Variants in USP4 observed in about 807,000 individuals in gnomAD.
USP4 encodes the protein ubiquitin specific peptidase 4.
USP4 carries 72 observed loss-of-function variants against 118.2 expected under a neutral mutation model. That is an observed-to-expected ratio of 0.61 (90% CI 0.50 to 0.74). The LOEUF (loss-of-function observed/expected upper bound fraction) is 0.74, where lower values mean the gene tolerates loss of function less well. Ranked by LOEUF, USP4 falls within the 30% of genes least tolerant of loss-of-function variation. The probability of loss-of-function intolerance (pLI) is 0.00; values close to 1 mark genes in which losing one functional copy is unlikely to be tolerated. For missense variants in USP4, 1,037 were observed against 1,185.7 expected (o/e 0.87, Z 1.84); for synonymous variants, 415 against 440.4 (o/e 0.94, Z 0.72).
rs1466335019 is a variant in USP4, at chr3:49,299,850, T to C, written c.1512+617A>G. Among the ~76,000 whole-genome samples the C allele has an allele frequency of 3.8e-4, 58 of 152,128 alleles. 2 individuals are homozygous for C. Among genetic ancestry groups the C allele is most frequent in the Admixed American group, 3.8e-3 (58 of 15,276 alleles). On this transcript the variant is annotated intron_variant, in intron 11 of 21. Transcript: ENST00000265560. ...CTGTCCTAGGTTATGTGAGGGTATA[T>C]CTGAGTACGAAAAGAACCGTGCTTC...
chr3:49,284,666 A>G, intron 17 of USP4, 82 bp from the exon 18 acceptor site: 1 of 1,336,876 alleles, frequency 7.5e-7, no homozygotes, highest in Non-Finnish European at 1.1e-6. Context: ...AGGCTCTCCC[A>G]CCTGGAATGT....
At chr3:49,323,936 C>T (rs1001221466) in intron 6 of USP4, among the ~76,000 whole-genome samples, 15 of 152,258 alleles carry the variant, frequency 9.9e-5, no homozygotes, top group Non-Finnish European at 1.9e-4. Context: ...AGCAAGCTCC[C>T]AGGGCAACAA....
intron 15 of USP4, among the ~76,000 whole-genome samples, chr3:49,289,939 G>A (rs2047135393): frequency 6.6e-6 from 1 of 151,848 alleles, no homozygotes; most frequent in South Asian, 2.1e-4. Flanking sequence ...AACCTTGCTT[G>A]TCTCCACAAA....
At position 49,278,815 on chromosome 3, in the gene USP4, A is replaced by C. The variant is rs2046987887; in HGVS notation, c.2732T>G (p.Val911Gly). The change falls in exon 21 of 22, where the codon GTG becomes GGG. Residue 911 changes from valine (V) to glycine (G), a missense_variant and splice_region_variant. Physicochemically the swap from Val to Gly is moderately radical, Grantham distance 109. Around this residue, in one of 3 missense-constraint regions of USP4, gnomAD observed 522 missense variants for 592.6 expected, o/e 0.88. Coordinates refer to ENST00000265560, the MANE Select transcript of USP4 (RefSeq NM_003363.4). ...NVSLASEDQI[V>G]TKAAYVLFYQ... ...AACCACATATCATGGCCTACTCACC[A>C]CTATCTGATCCTCAGAGGCCAGGGA... The C allele has an allele frequency of 6.2e-7, 1 of 1,604,274 alleles. No homozygotes were observed. Among genetic ancestry groups the C allele is most frequent in the Non-Finnish European group, 8.5e-7 (1 of 1,174,008 alleles).
chr3:49,309,299 C>A (rs1420362145), intron 8 of USP4, among the ~76,000 whole-genome samples: 1 of 152,146 alleles, frequency 6.6e-6, no homozygotes, highest in South Asian at 2.1e-4. Context: ...GAAATGAGGG[C>A]AGTCTTGGGA....
At chr3:49,310,519 G>A (rs1295737057) in intron 8 of USP4, 101 bp downstream of exon 8, 5 of 971,478 alleles carry the variant, frequency 5.1e-6, no homozygotes, top group African/African-American at 3.2e-5. Context: ...ACAAGGGGTA[G>A]GCAGGGACTC....
At chr3:49,298,726 G>T in intron 11 of USP4, 91 bp from the exon 12 acceptor site, 2 of 1,135,676 alleles carry the variant, frequency 1.8e-6, no homozygotes, top group Non-Finnish European at 2.7e-6. Context: ...GGGCAGAGGA[G>T]CCCTTCTAGA....
At chr3:49,337,663 C>G (rs534854390) in intron 1 of USP4, among the ~76,000 whole-genome samples, 2 of 152,188 alleles carry the variant, frequency 1.3e-5, no homozygotes, top group South Asian at 2.1e-4. Flanking sequence ...TCTTGAACTC[C>G]TGGCCTCAAG....
At chr3:49,323,576 C>T (rs945679363) in intron 6 of USP4, among the ~76,000 whole-genome samples, 5 of 152,168 alleles carry the variant, frequency 3.3e-5, no homozygotes, top group African/African-American at 1.2e-4. Context: ...TTTTATTTAT[C>T]TTGTCAACAA....
chr3:49,327,150 C>T (rs532593430), intron 3 of USP4, among the ~76,000 whole-genome samples: 6 of 152,300 alleles, frequency 3.9e-5, no homozygotes, highest in African/African-American at 1.4e-4. Context: ...CTGCTGGGCA[C>T]ATTCCAAGCC....
chr3:49,331,750 G>A (rs1375943213), intron 2 of USP4, among the ~76,000 whole-genome samples: 1 of 152,138 alleles, frequency 6.6e-6, no homozygotes, highest in East Asian at 1.9e-4. Context: ...GAGGGCCTTG[G>A]GATTTTTGGA....
chr3:49,283,197 G>A (rs570056865), intron 19 of USP4, among the ~76,000 whole-genome samples: 1 of 150,720 alleles, frequency 6.6e-6, no homozygotes, highest in African/African-American at 2.4e-5. Context: ...TGCATTTTTA[G>A]TAGAGATGGG....
chr3:49,280,593 CAG>C (rs908896197), intron 20 of USP4, 149 bp downstream of exon 20: 41 of 303,964 alleles, frequency 1.3e-4, no homozygotes, highest in Admixed American at 4.2e-4. Context: ...TAAAAAAAAA[CAG>C]AGAGGGGAAT....
At chr3:49,321,057 G>T (rs2107795949) in intron 6 of USP4, among the ~76,000 whole-genome samples, 1 of 152,288 alleles carries the variant, frequency 6.6e-6, no homozygotes, top group East Asian at 1.9e-4. Context: ...GAAGGGGTAG[G>T]TCAGCTGGGT....
intron 15 of USP4, among the ~76,000 whole-genome samples, chr3:49,288,073 G>T (rs2107769311): frequency 6.6e-6 from 1 of 152,300 alleles, no homozygotes; most frequent in Admixed American, 6.5e-5. Flanking sequence ...AAAGGAGAAT[G>T]TGCTATTTAA....
At chr3:49,336,021 T>C (rs950252385) in intron 1 of USP4, among the ~76,000 whole-genome samples, 3 of 151,432 alleles carry the variant, frequency 2.0e-5, no homozygotes, top group East Asian at 1.9e-4. Context: ...CTGTCACCAC[T>C]CCCAGCTAAT....
intron 6 of USP4, among the ~76,000 whole-genome samples, chr3:49,315,008 C>G (rs1044511377): frequency 1.3e-5 from 2 of 151,870 alleles, no homozygotes; most frequent in African/African-American, 4.8e-5. Context: ...CTAGAAAATA[C>G]TGCCAGTTTT....
chr3:49,324,594 A>T, intron 6 of USP4, 108 bp downstream of exon 6: 3 of 1,036,582 alleles, frequency 2.9e-6, no homozygotes, highest in Admixed American at 1.8e-5. Context: ...CAAAATAGGC[A>T]TTGTTCATCT....
At chr3:49,298,666 G>A (rs1414639524) in intron 11 of USP4, 31 bp from the exon 12 acceptor site, 1 of 1,606,348 alleles carries the variant, frequency 6.2e-7, no homozygotes, top group African/African-American at 1.3e-5. Flanking sequence ...AGGTCACAGG[G>A]GTGCCCCACA....
Sources: allele counts gnomAD v4.1 joint callset (sites outside exome capture counted in the v4.1 genomes callset), GRCh38; gene constraint gnomAD v4.1.1; regional missense constraint gnomAD v4.1.1; transcripts MANE v1.5; gene names NCBI Gene and HGNC (gene_info 2026-07-23, HGNC 2026-07-21).